Variants in BCL7C observed in about 807,000 individuals in gnomAD.
The protein encoded by BCL7C is BAF chromatin remodeling complex subunit BCL7C.
Under a neutral mutation model 26.2 loss-of-function variants are expected in BCL7C, and 8 were observed. The ratio of observed to expected loss-of-function variants is 0.30; its 90% confidence interval spans 0.18 to 0.55. BCL7C has a LOEUF of 0.55. Among genes scored for constraint, BCL7C ranks in the 20% least tolerant of loss-of-function variants. BCL7C has a pLI of 0.93. For synonymous variants in BCL7C, 90 were observed against 116.5 expected, an observed-to-expected ratio of 0.77 and a Z score of 1.47; for missense variants, 262 against 298.5, an observed-to-expected ratio of 0.88 and a Z score of 0.90.
chr16:30,892,449 G>A (rs1567325886), intron 4 of BCL7C, 137 bp downstream of exon 4: 1 of 714,748 alleles, frequency 1.4e-6, no homozygotes, highest in Non-Finnish European at 2.3e-6. Context: ...TAGCTACAGG[G>A]AGATTCTGCA....
rs188642884 is a variant in BCL7C, at chr16:30,860,161, G to A, written c.529-25013C>T. The stretch of plus-strand genomic sequence containing the variant: ...GAGACAAAGGAGACACATTTTATCC[G>A]TGGACCCAAAACTCCAGTGCCGGTC... On this transcript the variant is annotated intron_variant, in intron 5 of 5. Transcript: ENST00000380317. 3.5e-4 allele frequency among the ~76,000 whole-genome samples: 54 copies of A among 152,260 alleles called. 1 individual carries two copies. The highest frequency in any genetic ancestry group is 3.0e-3 in the Admixed American group (46 of 15,298).
intron 5 of BCL7C, among the ~76,000 whole-genome samples, chr16:30,840,293 T>C (rs925508282): frequency 1.2e-4 from 18 of 146,770 alleles, no homozygotes; most frequent in Non-Finnish European, 1.0e-4. Flanking sequence ...TCTCCACTCA[T>C]TGCAACCTCT....
chr16:30,834,423 C>G lies in BCL7C; in HGVS notation c.*525G>C, dbSNP rs1016869432. 1 of 152,450 alleles carries G rather than the reference C, an allele frequency of 6.6e-6. No individual in the cohort carries two copies. The highest frequency in any genetic ancestry group is 1.5e-5 in the Non-Finnish European group (1 of 68,208). 9.4% of individuals were successfully genotyped at this position (152,450 alleles called of 1,614,324 possible). A position where few individuals can be genotyped will look rare whatever the true frequency, so the allele number is the denominator to read the frequency against. Reference sequence around the variant, plus strand: ...CTGCGCTGGGGTCTCTGCGCGTGCACGGGCCTCAACATATGCATGGACGTC... The same window carrying G: ...CTGCGCTGGGGTCTCTGCGCGTGCAGGGGCCTCAACATATGCATGGACGTC... On this transcript the variant is annotated 3_prime_UTR_variant, in exon 6 of 6. Coordinates refer to the BCL7C transcript ENST00000380317. The surrounding 1 kb of genome is among the most constrained non-coding windows in gnomAD (Gnocchi z 4.3).
Position 30,834,838 on chromosome 16 carries a change from C to T in BCL7C, c.*110G>A. On this transcript the variant is annotated 3_prime_UTR_variant, in exon 6 of 6. Coordinates refer to the BCL7C transcript ENST00000380317. This position sits in a 1 kb window ranked among gnomAD's most constrained non-coding sequence, Gnocchi z 4.3. ...GGGGCCGCTCGCCCTCCGATGTTAC[C>T]GCGGTGGGTGAGCTGGGAAGCTCTT... 2.7e-6 allele frequency: 3 copies of T among 1,125,738 alleles called. No individual in the cohort carries two copies. The highest frequency in any genetic ancestry group is 3.3e-5 in the South Asian group (2 of 59,824). The allele number at this position is 1,125,738 out of a possible 1,614,324, so 69.7% of individuals were successfully genotyped here.
chr16:30,893,822 G>T lies in BCL7C; in HGVS notation c.92+31C>A. On this transcript the variant is annotated intron_variant, in intron 1 of 5. Coordinates refer to ENST00000215115, the MANE Select transcript of BCL7C (RefSeq NM_004765.4). The surrounding 1 kb of genome is among the most constrained non-coding windows in gnomAD (Gnocchi z 5.2). Reference sequence around the variant, plus strand: ...CCTTTGGTGCTGGTGGTCCCGCTGTGTCCCGTCCCTGGCCCCCGAGCAGCG... The same window carrying T: ...CCTTTGGTGCTGGTGGTCCCGCTGTTTCCCGTCCCTGGCCCCCGAGCAGCG... The T allele has an allele frequency of 6.3e-7, 1 of 1,590,092 alleles. No homozygotes were observed. The highest frequency in any genetic ancestry group is 8.5e-7 in the Non-Finnish European group (1 of 1,171,072).
At chr16:30,838,637 A>G (rs2054583655) in intron 5 of BCL7C, among the ~76,000 whole-genome samples, 1 of 152,210 alleles carries the variant, frequency 6.6e-6, no homozygotes, top group African/African-American at 2.4e-5. Flanking sequence ...AATACAAAAA[A>G]TTAGCAGGGA....
At chr16:30,861,677 C>T (rs1452420924) in intron 5 of BCL7C, among the ~76,000 whole-genome samples, 5 of 152,072 alleles carry the variant, frequency 3.3e-5, no homozygotes, top group South Asian at 2.1e-4. Flanking sequence ...CCATCACAGA[C>T]GCTTTGGGTA....
intron 5 of BCL7C, among the ~76,000 whole-genome samples, chr16:30,850,502 C>T (rs975588395): frequency 1.3e-5 from 2 of 152,122 alleles, no homozygotes; most frequent in Admixed American, 1.3e-4. Flanking sequence ...GATGGTATAA[C>T]CTGCTACTAC....
At chr16:30,859,409 G>C (rs952250814) in intron 5 of BCL7C, among the ~76,000 whole-genome samples, 2 of 152,138 alleles carry the variant, frequency 1.3e-5, no homozygotes, top group African/African-American at 2.4e-5. Flanking sequence ...TTTGAGGCTA[G>C]CAGTTCAAGA....
intron 4 of BCL7C, among the ~76,000 whole-genome samples, chr16:30,891,450 ACT>A (rs2055234359): frequency 6.6e-6 from 1 of 152,128 alleles, no homozygotes; most frequent in South Asian, 2.1e-4. Flanking sequence ...CAAGAGCGAA[ACT>A]CTCTCAAAGA....
intron 5 of BCL7C, among the ~76,000 whole-genome samples, chr16:30,871,512 T>C (rs1596603066): frequency 1.3e-5 from 2 of 151,972 alleles, no homozygotes; most frequent in African/African-American, 4.8e-5. Context: ...TGAGACTGAG[T>C]CTCACTCTGT....
intron 5 of BCL7C, chr16:30,835,227 TA>T: frequency 7.7e-7 from 1 of 1,299,092 alleles, no homozygotes. Flanking sequence ...TTGTCCCATT[TA>T]TGACTTCCAA....
chr16:30,893,348 G>A lies in BCL7C; in HGVS notation c.93-58C>T. 7.0e-6 allele frequency: 10 copies of A among 1,425,524 alleles called. No homozygotes were observed. Among genetic ancestry groups the A allele is most frequent in the Non-Finnish European group, 7.8e-6 (8 of 1,024,900 alleles). The allele number at this position is 1,425,524 out of a possible 1,614,324, so 88.3% of individuals were successfully genotyped here. A position where few individuals can be genotyped will look rare whatever the true frequency, so the allele number is the denominator to read the frequency against. ...CCTGAGGGGAGACCCACCCCCCTAG[G>A]AGCTGGACACATCTGGGGGTACCTG... On this transcript the variant is annotated intron_variant, in intron 1 of 5. Coordinates refer to ENST00000215115, the MANE Select transcript of BCL7C (RefSeq NM_004765.4). The surrounding 1 kb of genome is among the most constrained non-coding windows in gnomAD (Gnocchi z 5.2).
At chr16:30,867,509 T>C (rs2054839224) in intron 5 of BCL7C, among the ~76,000 whole-genome samples, 1 of 152,102 alleles carries the variant, frequency 6.6e-6, no homozygotes, top group South Asian at 2.1e-4. Context: ...AATGTAATCA[T>C]GTTGGTCTTT....
intron 4 of BCL7C, among the ~76,000 whole-genome samples, chr16:30,889,211 G>A (rs2055185547): frequency 6.6e-6 from 1 of 152,180 alleles, no homozygotes; most frequent in Non-Finnish European, 1.5e-5. Flanking sequence ...TCTGGGCTTG[G>A]ACTGCCTGGG....
intron 5 of BCL7C, among the ~76,000 whole-genome samples, chr16:30,862,885 T>C (rs2054790632): frequency 1.3e-5 from 2 of 152,286 alleles, no homozygotes; most frequent in South Asian, 4.2e-4. Flanking sequence ...TTTCCATTCC[T>C]TAAAAACAGC....
At position 30,887,931 on chromosome 16, in the gene BCL7C, A is replaced by G. The variant is rs2055160615; in HGVS notation, c.588T>C (p.Gly196=). Residue 196 remains glycine (G), a synonymous_variant, in exon 6 of 6, where the codon GGT becomes GGC. Coordinates refer to ENST00000215115, the MANE Select transcript of BCL7C (RefSeq NM_004765.4). ...PVPPVPEAAQ[G]DTEDSEGAPP... ...GGGCACCCTCCGAGTCCTCTGTGTC[A>G]CCCTGGGCTGCCTCAGGGACAGGTG... The G allele has an allele frequency of 6.2e-7, 1 of 1,606,324 alleles. No homozygotes were observed. Among genetic ancestry groups the G allele is most frequent in the Non-Finnish European group, 8.5e-7 (1 of 1,176,832 alleles).
intron 5 of BCL7C, among the ~76,000 whole-genome samples, chr16:30,868,010 A>T (rs1425354359): frequency 6.6e-6 from 1 of 151,602 alleles, no homozygotes; most frequent in Non-Finnish European, 1.5e-5. Flanking sequence ...TCATTTATTT[A>T]TTATTTTTTG....
At chr16:30,882,308 A>T (rs1218506064) in intron 5 of BCL7C, among the ~76,000 whole-genome samples, 1 of 152,140 alleles carries the variant, frequency 6.6e-6, no homozygotes, top group Admixed American at 6.6e-5. Context: ...AGCAAACAGT[A>T]AGTACACAAT....
Sources: gnomAD v4.1 joint callset for allele counts (sites outside exome capture counted in the v4.1 genomes callset) on GRCh38, gnomAD v4.1.1 for gene constraint, Gnocchi (gnomAD v3.1) non-coding constraint, MANE v1.5 for transcripts, NCBI Gene and HGNC (gene_info 2026-07-23, HGNC 2026-07-21) for gene names.